DIDO1: variants seen among roughly 807,000 people sequenced by gnomAD.
DIDO1 encodes death inducer-obliterator 1.
Under a neutral mutation model 99.4 loss-of-function variants are expected in DIDO1, and 16 were observed. The observed-to-expected ratio is 0.16, with a 90% CI of 0.11 to 0.24. DIDO1 has a LOEUF of 0.24. Among genes scored for constraint, DIDO1 ranks in the 10% least tolerant of loss-of-function variants. The pLI is 1.00. For missense variants in DIDO1, 2,996 were observed against 3,014.0 expected (o/e 0.99, Z 0.14); for synonymous variants, 1,366 against 1,239.1 (o/e 1.10, Z -2.15).
rs1214507347 is a variant in DIDO1, at chr20:62,877,753, T to C, written c.*1480A>G. 6.6e-6 allele frequency: 1 copy of C among 152,248 alleles called. No individual in the cohort carries two copies. The allele number at this position is 152,248 out of a possible 1,614,324, so 9.4% of individuals were successfully genotyped here. Reference sequence around the variant, plus strand: ...ACCCGAGACAGAAACTTCCTGTAGCTGTTTATTCTACTGCGAGTAACAAAA... The same window carrying C: ...ACCCGAGACAGAAACTTCCTGTAGCCGTTTATTCTACTGCGAGTAACAAAA... On this transcript the variant is annotated 3_prime_UTR_variant, in exon 16 of 16. Transcript: ENST00000395343.
chr20:62,927,615 GGCCCTGGC>G (rs1355570560), upstream of DIDO1, among the ~76,000 whole-genome samples: 5 of 152,240 alleles, frequency 3.3e-5, no homozygotes, highest in African/African-American at 1.2e-4. Flanking sequence ...CTTTGGCGTT[GGCCCTGGC>G]CAAGAGTAAA....
chr20:62,937,880 A>G lies in DIDO1; in HGVS notation c.-284T>C, dbSNP rs2065409902. 7.5e-6 allele frequency: 3 copies of G among 398,314 alleles called. No individual in the cohort carries two copies. The South Asian group carries it at 3.8e-4, about 51-fold the overall frequency. The allele number at this position is 398,314 out of a possible 1,614,324, so 24.7% of individuals were successfully genotyped here. Reference sequence around the variant, plus strand: ...GCCTCCGCAGCAGCCATCTTGCCAGAGGGCCGACGCCTTTTGACTCTGGCG... The same window carrying G: ...GCCTCCGCAGCAGCCATCTTGCCAGGGGGCCGACGCCTTTTGACTCTGGCG... On this transcript the variant is annotated 5_prime_UTR_variant, in exon 1 of 16. Transcript: ENST00000266070.
chr20:62,910,273 C>T (rs965151213), intron 3 of DIDO1, among the ~76,000 whole-genome samples: 1 of 152,192 alleles, frequency 6.6e-6, no homozygotes, highest in Non-Finnish European at 1.5e-5. Flanking sequence ...AGTCTCCCCC[C>T]AAAACTGCGA....
chr20:62,915,299 G>C (rs2065018646), intron 1 of DIDO1, among the ~76,000 whole-genome samples: 1 of 152,080 alleles, frequency 6.6e-6, no homozygotes, highest in African/African-American at 2.4e-5. Context: ...TAGACACCCC[G>C]TCTCTACAAA....
At chr20:62,903,946 C>T (rs979307264) in intron 6 of DIDO1, among the ~76,000 whole-genome samples, 3 of 152,188 alleles carry the variant, frequency 2.0e-5, no homozygotes, top group Non-Finnish European at 4.4e-5. Context: ...GTGCAGGAGG[C>T]AGGCAGGAAG....
Position 62,880,009 on chromosome 20 carries a change from C to A in DIDO1, c.5947G>T (p.Ala1983Ser). 6.2e-7 allele frequency: 1 copy of A among 1,611,930 alleles called. No individual in the cohort carries two copies. The highest frequency in any genetic ancestry group is 8.5e-7 in the Non-Finnish European group (1 of 1,179,968). Residue 1983 changes from alanine (A) to serine (S), a missense_variant, in exon 16 of 16, where the codon GCG (alanine) becomes TCG (serine). Around this residue, in one of 5 missense-constraint regions of DIDO1, gnomAD observed 1,562 missense variants for 1,412.6 expected, o/e 1.11. Coordinates refer to ENST00000395343, the MANE Select transcript of DIDO1 (RefSeq NM_001193369.2). ...CCACCAAACTGCAGGGGTGCAGGCG[C>A]CCTTTGGTTTGTGAATCTTGGTGGT... The part of the protein sequence containing the change: ...HSPPRFTNQR[A>S]PAPLQFGGLR...
At position 62,894,414 on chromosome 20, in the gene DIDO1, T is replaced by C. The variant is rs772586670; in HGVS notation, c.2571A>G (p.Thr857=). 5.0e-6 allele frequency: 8 copies of C among 1,611,854 alleles called. No homozygotes were observed. The highest frequency in any genetic ancestry group is 6.8e-6 in the Non-Finnish European group (8 of 1,180,014). The part of the protein sequence containing the change: ...HLFDLNCKIC[T]GQVPSAEDEP... The stretch of plus-strand genomic sequence containing the variant: ...CTCCATCCCCTGCACTGTGCTCACC[T>C]GTGCAAATTTTACAGTTGAGATCGA... The change falls in exon 11 of 16, where the codon ACA becomes ACG. Residue 857 remains threonine (T), a splice_region_variant and synonymous_variant. Coordinates refer to ENST00000395343, the MANE Select transcript of DIDO1 (RefSeq NM_001193369.2). This position sits in a 1 kb window ranked among gnomAD's most constrained non-coding sequence, Gnocchi z 4.4.
rs753078259 is a variant in DIDO1, at chr20:62,880,729, C to A, written c.5227G>T (p.Val1743Leu). 3.7e-6 allele frequency: 6 copies of A among 1,612,720 alleles called. No individual in the cohort carries two copies. ...TAPLPPPGQKVGGSQPPFQGQ... is the reference protein window; with the variant it reads ...TAPLPPPGQKLGGSQPPFQGQ... Reference sequence around the variant, plus strand: ...TGAAACGGGGGCTGAGAGCCCCCCACTTTCTGTCCTGGTGGGGGGAGCGGG... The same window carrying A: ...TGAAACGGGGGCTGAGAGCCCCCCAATTTCTGTCCTGGTGGGGGGAGCGGG... The change falls in exon 16 of 16, where the codon GTG becomes TTG. Residue 1743 changes from valine to leucine, a missense_variant. Coordinates refer to ENST00000395343, the MANE Select transcript of DIDO1 (RefSeq NM_001193369.2).
chr20:62,890,419 G>A (rs1032312731), intron 15 of DIDO1: 2 of 989,362 alleles, frequency 2.0e-6, no homozygotes, highest in South Asian at 4.6e-5. Flanking sequence ...TCCAAGGAAC[G>A]TGCAAACACA....
rs778549239 is a variant in DIDO1 at position 62,895,031 on chromosome 20, G to A, written c.2331+18C>T. On this transcript the variant is annotated intron_variant, in intron 9 of 15. Coordinates refer to ENST00000395343, the MANE Select transcript of DIDO1 (RefSeq NM_001193369.2). ...GCTCGAGTCCTGGGTGCCTCCGCAG[G>A]TACCCCTCAGCACTCACAGATCTCG... 6.2e-7 allele frequency: 1 copy of A among 1,601,028 alleles called. No individual in the cohort carries two copies. The highest frequency in any genetic ancestry group is 1.1e-5 in the South Asian group (1 of 90,858).
chr20:62,904,846 C>CTG (rs1257517736), intron 6 of DIDO1, among the ~76,000 whole-genome samples: 7 of 147,894 alleles, frequency 4.7e-5, no homozygotes, highest in Non-Finnish European at 8.9e-5. Context: ...TAGCATAGGT[C>CTG]TGCTTGCCTG....
intron 6 of DIDO1, among the ~76,000 whole-genome samples, chr20:62,898,794 A>G (rs2064595337): frequency 6.6e-6 from 1 of 152,256 alleles, no homozygotes; most frequent in Admixed American, 6.5e-5. Context: ...CAAAGGTGAC[A>G]GCTAGTTTTT....
At position 62,881,862 on chromosome 20, in the gene DIDO1, T is replaced by C. The variant is rs987399397; in HGVS notation, c.4094A>G (p.Gln1365Arg). The C allele has an allele frequency of 3.7e-6, 6 of 1,613,580 alleles. No individual in the cohort carries two copies. The highest frequency in any genetic ancestry group is 5.1e-6 in the Non-Finnish European group (6 of 1,180,026). Residue 1365 changes from glutamine to arginine, a missense_variant, in exon 16 of 16, where the codon CAG becomes CGG. Transcript: ENST00000395343. This position sits in a 1 kb window ranked among gnomAD's most constrained non-coding sequence, Gnocchi z 8.3. ...ATCTTTTGAGAACTGACCGAACTGC[T>C]GGACGATCGGATCTAACAACGGAGG... ...PAPPLLDPIVQQFGQFSKDKA... is the reference protein window; with the variant it reads ...PAPPLLDPIVRQFGQFSKDKA...
In DIDO1 at chr20:62,896,539, C is replaced by T. The variant is rs1201456582; in HGVS notation, c.2046G>A (p.Leu682=). Residue 682 remains leucine (L), a synonymous_variant, in exon 7 of 16, where the codon TTG becomes TTA. Coordinates refer to ENST00000395343, the MANE Select transcript of DIDO1 (RefSeq NM_001193369.2). The surrounding 1 kb of genome is among the most constrained non-coding windows in gnomAD (Gnocchi z 4.4). ...QNIRRSLKEI[L]WKRVNDSDDL... ...CAAGCAGAACAGCCCACCTTTTCCA[C>T]AAAATCTCTTTTAAGGAGCGTCTGA... The T allele has an allele frequency of 1.3e-6, 2 of 1,583,138 alleles. No homozygotes were observed. Among genetic ancestry groups the T allele is most frequent in the Admixed American group, 1.9e-5 (1 of 53,002 alleles).
chr20:62,929,763 T>G (rs934667269), upstream of DIDO1, among the ~76,000 whole-genome samples: 17 of 145,338 alleles, frequency 1.2e-4, 1 homozygote, highest in Admixed American at 4.9e-4. Flanking sequence ...GTTTTGTTTT[T>G]TTTTTTTGAG....
chr20:62,909,339 A>G (rs947912221), intron 4 of DIDO1, among the ~76,000 whole-genome samples: 1 of 152,128 alleles, frequency 6.6e-6, no homozygotes, highest in Non-Finnish European at 1.5e-5. Context: ...CAACACAAGC[A>G]CCCCGAGGAG....
intron 15 of DIDO1, among the ~76,000 whole-genome samples, chr20:62,883,692 G>A (rs1006639563): frequency 1.3e-5 from 2 of 152,212 alleles, no homozygotes; most frequent in Non-Finnish European, 2.9e-5. Context: ...GGGTGTGGTG[G>A]CGCACACCTG....
chr20:62,882,396 G>C lies in DIDO1; in HGVS notation c.3560C>G (p.Pro1187Arg). 2 of 1,610,556 alleles carry C rather than the reference G, an allele frequency of 1.2e-6. No individual in the cohort carries two copies. Among genetic ancestry groups the C allele is most frequent in the Non-Finnish European group, 1.7e-6 (2 of 1,178,086 alleles). Reference sequence around the variant, plus strand: ...GATTACTAACCCAAGAATTATATTCGGACGTGGTGACTCAAGACCTGAAAA... The same window carrying C: ...GATTACTAACCCAAGAATTATATTCCGACGTGGTGACTCAAGACCTGAAAA... ...FEGPGLESPR[P>R]NIILGLVICQ... Residue 1187 changes from proline (P) to arginine (R), a missense_variant, in exon 16 of 16, where the codon CCG (proline) becomes CGG (arginine). Pro to Arg is a moderately radical substitution (Grantham distance 103). Around this residue, in one of 5 missense-constraint regions of DIDO1, gnomAD observed 135 missense variants for 202.3 expected, o/e 0.67. Transcript: ENST00000395343.
chr20:62,924,333 G>A (rs555006278), intron 1 of DIDO1, among the ~76,000 whole-genome samples: 2 of 152,292 alleles, frequency 1.3e-5, no homozygotes, highest in East Asian at 3.9e-4. Flanking sequence ...AGATAGTAGG[G>A]AGTCACCTGT....
Sources: allele counts gnomAD v4.1 joint callset (sites outside exome capture counted in the v4.1 genomes callset), GRCh38; gene constraint gnomAD v4.1.1; regional missense constraint gnomAD v4.1.1; non-coding constraint Gnocchi (gnomAD v3.1); transcripts MANE v1.5; gene names NCBI Gene and HGNC (gene_info 2026-07-23, HGNC 2026-07-21).